FHOD3: variants seen among roughly 807,000 people sequenced by gnomAD.
FHOD3 encodes FH1/FH2 domain-containing protein 3.
Under a neutral mutation model 173.0 loss-of-function variants are expected in FHOD3, and 90 were observed. The observed-to-expected ratio is 0.52, with a 90% CI of 0.44 to 0.62. FHOD3 has a LOEUF of 0.62. FHOD3 is among the 20% of genes least tolerant of loss of function. The pLI, the probability that FHOD3 is intolerant of heterozygous loss-of-function variation, is 0.00. For synonymous variants in FHOD3, 828 were observed against 823.0 expected, an observed-to-expected ratio of 1.01 and a Z score of -0.10; for missense variants, 1,945 against 2,034.7, an observed-to-expected ratio of 0.96 and a Z score of 0.85.
intron 6 of FHOD3, among the ~76,000 whole-genome samples, chr18:36,578,094 G>A (rs2058721653): frequency 6.6e-6 from 1 of 152,186 alleles, no homozygotes; most frequent in Admixed American, 6.5e-5. Context: ...GAATTAAACA[G>A]GTCACAGAAT....
intron 16 of FHOD3, among the ~76,000 whole-genome samples, chr18:36,689,775 C>A (rs11659192): frequency 0.045 from 6,833 of 152,042 alleles, 228 homozygotes; most frequent in Non-Finnish European, 0.062. Flanking sequence ...TGCTTTATAG[C>A]AAACAGGGGC....
rs2039968438 is a variant in FHOD3 at position 36,707,860 on chromosome 18, GC to G, written c.2237-1234del. Reference sequence around the variant, plus strand: ...TGCCAGAATTTCTGTGTTGCTTTGAGCAGTGTGTACCTAGGGTTCAAGCACA... The same window carrying G: ...TGCCAGAATTTCTGTGTTGCTTTGAGAGTGTGTACCTAGGGTTCAAGCACA... On this transcript the variant is annotated intron_variant, in intron 17 of 28. Coordinates refer to ENST00000590592, the MANE Select transcript of FHOD3 (RefSeq NM_001281740.3). 4.6e-5 allele frequency among the ~76,000 whole-genome samples: 7 copies of G among 152,220 alleles called. No homozygotes were observed. In the South Asian group the frequency reaches 1.5e-3, roughly 32 times the overall value.
intron 3 of FHOD3, among the ~76,000 whole-genome samples, chr18:36,438,758 G>A (rs955939220): frequency 6.6e-6 from 1 of 152,198 alleles, no homozygotes; most frequent in Non-Finnish European, 1.5e-5. Context: ...CTGCACCACT[G>A]TAAGACACTG....
In FHOD3 at chr18:36,760,589, C is replaced by T; in HGVS notation, c.4450-19C>T. 6.5e-7 allele frequency: 1 copy of T among 1,544,758 alleles called. No individual in the cohort carries two copies. Among genetic ancestry groups the T allele is most frequent in the Non-Finnish European group, 8.8e-7 (1 of 1,140,356 alleles). ...TTGGGGAGTCTCCCTCACCTGCTAA[C>T]TTCCCCTTGGTTTTGCAGTCTGGCA... On this transcript the variant is annotated intron_variant, in intron 26 of 28. Transcript: ENST00000590592.
chr18:36,722,251 C>G (rs1277580281), intron 19 of FHOD3, among the ~76,000 whole-genome samples: 1 of 152,134 alleles, frequency 6.6e-6, no homozygotes, highest in African/African-American at 2.4e-5. Flanking sequence ...GATGTCAGGG[C>G]AGAAAGCCCT....
chr18:36,345,825 A>C (rs1475781180), intron 1 of FHOD3, among the ~76,000 whole-genome samples: 1 of 152,244 alleles, frequency 6.6e-6, no homozygotes, highest in Non-Finnish European at 1.5e-5. Flanking sequence ...ATAGTTCTTT[A>C]AAAAGACATT....
At chr18:36,380,645 TGTA>T (rs2047731461) in intron 3 of FHOD3, among the ~76,000 whole-genome samples, 4 of 145,956 alleles carry the variant, frequency 2.7e-5, no homozygotes, top group Admixed American at 6.9e-5. Context: ...TTCCTTTCTC[TGTA>T]TCTCTTTCTT....
intron 5 of FHOD3, among the ~76,000 whole-genome samples, chr18:36,554,188 G>A (rs1020249346): frequency 2.0e-5 from 3 of 152,098 alleles, no homozygotes; most frequent in East Asian, 1.9e-4. Context: ...ACATGCACAT[G>A]TATGTTTATT....
intron 4 of FHOD3, among the ~76,000 whole-genome samples, chr18:36,509,464 TTA>T (rs1450601290): frequency 6.6e-6 from 1 of 151,360 alleles, no homozygotes; most frequent in African/African-American, 2.4e-5. Flanking sequence ...AAAACAGTAT[TTA>T]TGAGACAGTT....
chr18:36,692,817 C>T (rs1266179662), intron 16 of FHOD3, among the ~76,000 whole-genome samples: 1 of 152,182 alleles, frequency 6.6e-6, no homozygotes, highest in Non-Finnish European at 1.5e-5. Context: ...CACACCAAGG[C>T]ACCCACCCAT....
intron 3 of FHOD3, among the ~76,000 whole-genome samples, chr18:36,452,261 CAG>C (rs1278984956): frequency 2.6e-5 from 4 of 152,078 alleles, no homozygotes; most frequent in African/African-American, 9.7e-5. Flanking sequence ...TAGAATCTAA[CAG>C]TAGTTTTTCT....
intron 1 of FHOD3, among the ~76,000 whole-genome samples, chr18:36,335,474 G>T (rs1409886714): frequency 1.4e-5 from 2 of 147,452 alleles, no homozygotes; most frequent in African/African-American, 5.2e-5. Flanking sequence ...CAGCCTGGGC[G>T]ACAGAGCGAG....
chr18:36,764,472 A>G (rs941453803), intron 27 of FHOD3, among the ~76,000 whole-genome samples: 2 of 151,866 alleles, frequency 1.3e-5, no homozygotes, highest in Non-Finnish European at 2.9e-5. Flanking sequence ...GAAGGTGAAC[A>G]TTAATGCCTG....
intron 5 of FHOD3, among the ~76,000 whole-genome samples, chr18:36,543,260 A>G (rs949977848): frequency 2.6e-5 from 4 of 152,108 alleles, no homozygotes; most frequent in Non-Finnish European, 4.4e-5. Context: ...ATATATACAT[A>G]TTATATGTAT....
intron 10 of FHOD3, among the ~76,000 whole-genome samples, chr18:36,641,539 A>T (rs747476668): frequency 2.0e-5 from 3 of 152,168 alleles, no homozygotes; most frequent in African/African-American, 7.2e-5. Context: ...CTTGGGCCCC[A>T]TGGGTTGAAT....
At chr18:36,364,864 G>A (rs1488359632) in intron 2 of FHOD3, among the ~76,000 whole-genome samples, 1 of 152,124 alleles carries the variant, frequency 6.6e-6, no homozygotes, top group Admixed American at 6.5e-5. Flanking sequence ...GGCTGGGAGT[G>A]GTGAGCAGGA....
chr18:36,664,411 C>A (rs2037014706), intron 14 of FHOD3, among the ~76,000 whole-genome samples: 1 of 152,160 alleles, frequency 6.6e-6, no homozygotes, highest in Non-Finnish European at 1.5e-5. Flanking sequence ...AGTCTTGTTA[C>A]AAACAATAAG....
intron 5 of FHOD3, among the ~76,000 whole-genome samples, chr18:36,566,276 C>G (rs1451560078): frequency 1.3e-5 from 2 of 151,430 alleles, no homozygotes; most frequent in African/African-American, 4.9e-5. Flanking sequence ...GTATGTATCT[C>G]TAATGTATCT....
chr18:36,705,609 T>A (rs554177736), intron 17 of FHOD3, among the ~76,000 whole-genome samples: 1 of 152,294 alleles, frequency 6.6e-6, no homozygotes, highest in Admixed American at 6.5e-5. Context: ...TTGTTCAGGA[T>A]CCTCTCTAAT....
Sources: gnomAD v4.1 joint callset for allele counts (sites outside exome capture counted in the v4.1 genomes callset) on GRCh38, gnomAD v4.1.1 for gene constraint, MANE v1.5 for transcripts, NCBI Gene and HGNC (gene_info 2026-07-23, HGNC 2026-07-21) for gene names.